Variants in LCOR observed in about 807,000 individuals in gnomAD.
LCOR encodes ligand-dependent corepressor.
LCOR carries 14 observed loss-of-function variants against 64.4 expected under a neutral mutation model. That is an observed-to-expected ratio of 0.22 (90% CI 0.14 to 0.34). The LOEUF (loss-of-function observed/expected upper bound fraction) is 0.34. Ranked by LOEUF, LCOR falls within the 10% of genes least tolerant of loss-of-function variation. LCOR has a pLI of 1.00. For missense variants in LCOR, 1,686 were observed against 1,765.3 expected, an observed-to-expected ratio of 0.96 and a Z score of 0.80; for synonymous variants, 643 against 642.5, an observed-to-expected ratio of 1.00 and a Z score of -0.01.
chr10:96,949,066 A>G lies in LCOR; in HGVS notation c.9A>G (p.Arg3=). Residue 3 remains arginine, a synonymous_variant, in exon 6 of 8, where the codon CGA becomes CGG. Transcript: ENST00000421806. The part of the protein sequence containing the change: MQ[R]MIQQFAAEYT... ...TAGTGGCCCGTGAGATCATGCAGCG[A>G]ATGATCCAACAATTTGCTGCTGAAT... 1 of 1,613,814 alleles carries G rather than the reference A, an allele frequency of 6.2e-7. No homozygotes were observed. The highest frequency in any genetic ancestry group is 8.5e-7 in the Non-Finnish European group (1 of 1,179,778).
intron 1 of LCOR, 150 bp downstream of exon 1, chr10:96,832,549 G>A (rs1439867589): frequency 5.9e-6 from 1 of 169,062 alleles, no homozygotes; most frequent in Non-Finnish European, 1.1e-5. Flanking sequence ...ACCCCCCGGA[G>A]TGTGAGCGCG....
chr10:96,908,352 G>A (rs550372890), intron 4 of LCOR, among the ~76,000 whole-genome samples: 1 of 152,222 alleles, frequency 6.6e-6, no homozygotes, highest in African/African-American at 2.4e-5. Flanking sequence ...AAACTGTTGT[G>A]TTTATTTAAA....
At chr10:96,865,146 G>T (rs1845949531) in intron 2 of LCOR, among the ~76,000 whole-genome samples, 1 of 152,102 alleles carries the variant, frequency 6.6e-6, no homozygotes, top group African/African-American at 2.4e-5. Context: ...AGCAAAGTTA[G>T]ATCTTAATTT....
intron 7 of LCOR, among the ~76,000 whole-genome samples, chr10:96,971,075 T>C (rs1465405419): frequency 6.6e-6 from 1 of 152,230 alleles, no homozygotes; most frequent in Non-Finnish European, 1.5e-5. Context: ...TTGTTCTGGA[T>C]TGCTGTTGAA....
chr10:96,834,621 A>G (rs913906487), intron 2 of LCOR, among the ~76,000 whole-genome samples: 23 of 152,248 alleles, frequency 1.5e-4, no homozygotes, highest in African/African-American at 5.5e-4. Flanking sequence ...GTTTTGAAGA[A>G]TTTTTAGTTC....
intron 2 of LCOR, among the ~76,000 whole-genome samples, chr10:96,844,824 T>G (rs1205337313): frequency 2.6e-5 from 4 of 151,912 alleles, no homozygotes; most frequent in Non-Finnish European, 5.9e-5. Context: ...TTCATAGGAG[T>G]TTGTAACAAA....
At chr10:96,920,444 G>GTA (rs1486227758) in intron 4 of LCOR, among the ~76,000 whole-genome samples, 1 of 7,902 alleles carries the variant, frequency 1.3e-4, no homozygotes, top group East Asian at 3.5e-3. Context: ...GTATATATGT[G>GTA]TATATATATG....
intron 2 of LCOR, among the ~76,000 whole-genome samples, chr10:96,903,080 A>C (rs1330905080): frequency 1.3e-5 from 2 of 152,162 alleles, no homozygotes; most frequent in Admixed American, 6.6e-5. Flanking sequence ...TTGTGTATCT[A>C]AACATAGAAA....
At chr10:96,832,824 G>A in intron 1 of LCOR, 1 of 198,778 alleles carries the variant, frequency 5.0e-6, no homozygotes, top group Non-Finnish European at 8.9e-6. Flanking sequence ...GCGCGGGCGT[G>A]CTCGGCCCCC....
intron 2 of LCOR, among the ~76,000 whole-genome samples, chr10:96,865,729 T>G (rs910580441): frequency 2.0e-5 from 3 of 151,496 alleles, no homozygotes; most frequent in African/African-American, 7.3e-5. Context: ...CAAAAATTAG[T>G]CGGGTGTGGT....
chr10:96,946,000 A>C (rs1680165659), intron 5 of LCOR, among the ~76,000 whole-genome samples: 1 of 151,476 alleles, frequency 6.6e-6, no homozygotes, highest in Admixed American at 6.6e-5. Flanking sequence ...AATTGGTCTT[A>C]GGATAGATTT....
intron 2 of LCOR, among the ~76,000 whole-genome samples, chr10:96,902,558 C>A (rs1846658191): frequency 6.6e-6 from 1 of 152,102 alleles, no homozygotes; most frequent in African/African-American, 2.4e-5. Flanking sequence ...GAATTGATTA[C>A]CTTAATTACC....
chr10:96,905,039 A>G (rs980051248), intron 2 of LCOR, among the ~76,000 whole-genome samples: 1 of 152,126 alleles, frequency 6.6e-6, no homozygotes, highest in African/African-American at 2.4e-5. Flanking sequence ...GTTGTGATTA[A>G]ATCTTTGTGT....
chr10:96,897,703 T>A (rs755195045), intron 2 of LCOR, among the ~76,000 whole-genome samples: 2 of 152,198 alleles, frequency 1.3e-5, no homozygotes, highest in Non-Finnish European at 2.9e-5. Context: ...CTTTTTTGTT[T>A]TATTTCTATC....
At chr10:96,930,644 A>C (rs1256924308) in intron 4 of LCOR, among the ~76,000 whole-genome samples, 1 of 152,220 alleles carries the variant, frequency 6.6e-6, no homozygotes, top group Non-Finnish European at 1.5e-5. Context: ...AGAAAAGCGT[A>C]GAGTAAACTG....
At chr10:96,886,433 G>A (rs1441686721) in intron 2 of LCOR, among the ~76,000 whole-genome samples, 2 of 152,096 alleles carry the variant, frequency 1.3e-5, no homozygotes, top group Non-Finnish European at 2.9e-5. Context: ...TTCAGATTTT[G>A]GAGTATTTTG....
At position 96,981,792 on chromosome 10, in the gene LCOR, G is replaced by A; in HGVS notation, c.1332G>A (p.Met444Ile). ...KAANGHSRTK[M>I]ISTSIKTARK... is the part of the protein sequence containing the mutation. ...CAAATGGACACTCAAGAACCAAGAT[G>A]ATATCAACCTCCATCAAGACAGCTC... Residue 444 changes from methionine (M) to isoleucine (I), a missense_variant, in exon 8 of 8, where the codon ATG becomes ATA. Physicochemically the swap from Met to Ile is conservative, Grantham distance 10. Transcript: ENST00000421806. 1.2e-6 allele frequency: 2 copies of A among 1,614,194 alleles called. No homozygotes were observed. The highest frequency in any genetic ancestry group is 1.7e-6 in the Non-Finnish European group (2 of 1,180,036).
chr10:96,847,071 C>T (rs1170221674), intron 2 of LCOR, among the ~76,000 whole-genome samples: 2 of 151,850 alleles, frequency 1.3e-5, no homozygotes, highest in East Asian at 1.9e-4. Flanking sequence ...GGTGAAACCC[C>T]GTCTCTACAA....
chr10:96,965,319 T>G (rs1233919800), intron 7 of LCOR, among the ~76,000 whole-genome samples: 1 of 150,406 alleles, frequency 6.6e-6, no homozygotes, highest in Non-Finnish European at 1.5e-5. Flanking sequence ...GCTAGTGGTG[T>G]TTTATATTTA....
Sources: allele counts gnomAD v4.1 joint callset (sites outside exome capture counted in the v4.1 genomes callset), GRCh38; gene constraint gnomAD v4.1.1; transcripts MANE v1.5; gene names NCBI Gene and HGNC (gene_info 2026-07-23, HGNC 2026-07-21).